Variants in RGS7 observed in about 807,000 individuals in gnomAD.
RGS7 encodes regulator of G-protein signaling 7.
RGS7 carries 27 observed loss-of-function variants against 81.1 expected under a neutral mutation model. The ratio of observed to expected loss-of-function variants is 0.33; its 90% CI spans 0.25 to 0.46. The LOEUF (loss-of-function observed/expected upper bound fraction) is 0.46, where lower values mean the gene tolerates loss of function less well. Among genes scored for constraint, RGS7 ranks in the 20% least tolerant of loss-of-function variants. The pLI is 1.00. For missense variants in RGS7, 396 were observed against 607.4 expected, an observed-to-expected ratio of 0.65 and a Z score of 3.66; for synonymous variants, 208 against 207.7, an observed-to-expected ratio of 1.00 and a Z score of -0.01.
At chr1:240,876,306 T>A (rs1165555385) in intron 6 of RGS7, among the ~76,000 whole-genome samples, 8 of 152,084 alleles carry the variant, frequency 5.3e-5, no homozygotes. Context: ...CCTGGCTCCA[T>A]CCACTCAGGG....
At chr1:240,984,092 G>A (rs1685310654) in intron 3 of RGS7, among the ~76,000 whole-genome samples, 1 of 152,232 alleles carries the variant, frequency 6.6e-6, no homozygotes. Context: ...ATATGTAAGT[G>A]CTGGGAATAA....
chr1:240,980,166 T>C (rs1189971581), intron 4 of RGS7, among the ~76,000 whole-genome samples: 1 of 152,200 alleles, frequency 6.6e-6, no homozygotes, highest in Non-Finnish European at 1.5e-5. Flanking sequence ...TGATAAAATA[T>C]TCAGCCAAAT....
chr1:241,120,333 T>A (rs1205727149), intron 2 of RGS7, among the ~76,000 whole-genome samples: 1 of 152,136 alleles, frequency 6.6e-6, no homozygotes, highest in African/African-American at 2.4e-5. Flanking sequence ...TATCAATTAA[T>A]GTTGTATTTG....
At chr1:241,324,109 C>T (rs548193245) in intron 2 of RGS7, among the ~76,000 whole-genome samples, 13 of 152,260 alleles carry the variant, frequency 8.5e-5, no homozygotes, top group African/African-American at 2.6e-4. Context: ...CAATGTTAGA[C>T]GATGATCAGG....
intron 2 of RGS7, among the ~76,000 whole-genome samples, chr1:241,237,259 A>C (rs1212048435): frequency 6.6e-6 from 1 of 152,338 alleles, no homozygotes; most frequent in East Asian, 1.9e-4. Flanking sequence ...ATTCAAAACT[A>C]ATTTGTTTTC....
rs1047031633 is a variant in RGS7 at position 241,144,826 on chromosome 1, A to T, written c.79-46064T>A. 2.0e-5 allele frequency among the ~76,000 whole-genome samples: 3 copies of T among 151,596 alleles called. No individual in the cohort carries two copies. Among genetic ancestry groups the T allele is most frequent in the Non-Finnish European group, 4.4e-5 (3 of 67,948 alleles). On this transcript the variant is annotated intron_variant, in intron 2 of 18. Coordinates refer to ENST00000440928, the MANE Select transcript of RGS7 (RefSeq NM_001364886.1). This position sits in a 1 kb window ranked among gnomAD's most constrained non-coding sequence, Gnocchi z 4.7. The stretch of plus-strand genomic sequence containing the variant: ...AGGTTGCAGGAACATACAGAAGATC[A>T]TTTCTCCTCTTTCATTTTCTTGCTG...
At chr1:241,096,335 C>G (rs777253975) in intron 3 of RGS7, among the ~76,000 whole-genome samples, 1 of 152,006 alleles carries the variant, frequency 6.6e-6, no homozygotes, top group Non-Finnish European at 1.5e-5. Context: ...AGACTGAAAA[C>G]TTCTAGTAAA....
At chr1:240,881,229 C>T (rs1215484537) in intron 6 of RGS7, among the ~76,000 whole-genome samples, 3 of 151,972 alleles carry the variant, frequency 2.0e-5, no homozygotes, top group African/African-American at 7.2e-5. Flanking sequence ...AATCATCATT[C>T]TGAGCAAACT....
chr1:240,821,644 T>C (rs897440475), intron 10 of RGS7, among the ~76,000 whole-genome samples: 1 of 152,212 alleles, frequency 6.6e-6, no homozygotes, highest in Non-Finnish European at 1.5e-5. Context: ...CCATATTTTA[T>C]GCAGAAACAG....
At chr1:241,276,087 G>A (rs1237683174) in intron 2 of RGS7, among the ~76,000 whole-genome samples, 2 of 152,154 alleles carry the variant, frequency 1.3e-5, no homozygotes, top group African/African-American at 4.8e-5. Context: ...TTTATCACCT[G>A]CCTCCTATTA....
chr1:241,194,127 A>G (rs925572543), intron 2 of RGS7, among the ~76,000 whole-genome samples: 3 of 152,152 alleles, frequency 2.0e-5, no homozygotes, highest in African/African-American at 7.2e-5. Flanking sequence ...TTTCACCTAC[A>G]CCAAACCTAA....
At chr1:241,230,228 A>G (rs1040462718) in intron 2 of RGS7, among the ~76,000 whole-genome samples, 3 of 152,046 alleles carry the variant, frequency 2.0e-5, no homozygotes, top group African/African-American at 7.2e-5. Context: ...TTATTTATTT[A>G]TTTGAGACAG....
intron 3 of RGS7, among the ~76,000 whole-genome samples, chr1:241,068,238 G>GTGTGTGTGTGTGTGTGTGTGTA: frequency 2.8e-5 from 1 of 35,640 alleles, no homozygotes; most frequent in Non-Finnish European, 5.4e-5. Flanking sequence ...GTGTGTGTGT[G>GTGTGTGTGTGTGTGTGTGTGTA]TATATATATA....
chr1:241,083,424 T>C (rs1032268988), intron 3 of RGS7, among the ~76,000 whole-genome samples: 1 of 152,156 alleles, frequency 6.6e-6, no homozygotes, highest in Non-Finnish European at 1.5e-5. Context: ...GAATATAGAC[T>C]CTTTCATAGC....
intron 3 of RGS7, among the ~76,000 whole-genome samples, chr1:240,996,659 C>T (rs1327562677): frequency 6.6e-6 from 1 of 151,972 alleles, no homozygotes; most frequent in Non-Finnish European, 1.5e-5. Flanking sequence ...CATCTTTTTT[C>T]TATTCTTTTA....
At chr1:240,934,534 G>A (rs1443704772) in intron 5 of RGS7, among the ~76,000 whole-genome samples, 2 of 152,104 alleles carry the variant, frequency 1.3e-5, no homozygotes, top group Non-Finnish European at 2.9e-5. Context: ...TTACCTCTGA[G>A]TTTTCTGGTG....
intron 9 of RGS7, among the ~76,000 whole-genome samples, chr1:240,847,581 T>A (rs765575101): frequency 1.2e-4 from 18 of 152,182 alleles, no homozygotes; most frequent in Non-Finnish European, 2.2e-4. Flanking sequence ...TTTTATGTAA[T>A]CCATCATTCG....
intron 2 of RGS7, among the ~76,000 whole-genome samples, chr1:241,212,089 A>T (rs911410160): frequency 6.6e-6 from 1 of 151,614 alleles, no homozygotes; most frequent in African/African-American, 2.4e-5. Flanking sequence ...GTAATAATTG[A>T]GTAATAAATT....
At chr1:240,965,771 A>C (rs1682187234) in intron 4 of RGS7, among the ~76,000 whole-genome samples, 1 of 152,226 alleles carries the variant, frequency 6.6e-6, no homozygotes, top group African/African-American at 2.4e-5. Flanking sequence ...TGGACAGACA[A>C]GAAACTGGAT....
Sources: gnomAD v4.1 joint callset for allele counts (sites outside exome capture counted in the v4.1 genomes callset) on GRCh38, gnomAD v4.1.1 for gene constraint, Gnocchi (gnomAD v3.1) non-coding constraint, MANE v1.5 for transcripts, NCBI Gene and HGNC (gene_info 2026-07-23, HGNC 2026-07-21) for gene names.